TAF4B: variants seen among roughly 807,000 people sequenced by gnomAD.
The protein encoded by TAF4B is TATA-box binding protein associated factor 4b.
A neutral mutation model predicts 86.4 loss-of-function variants in TAF4B; 38 were observed. That is an observed-to-expected ratio of 0.44 (90% CI 0.34 to 0.58). TAF4B has a LOEUF of 0.58. TAF4B is among the 20% of genes least tolerant of loss of function. The pLI is 0.02. For missense variants in TAF4B, 988 were observed against 1,027.6 expected (o/e 0.96, Z 0.53); for synonymous variants, 388 against 391.2 (o/e 0.99, Z 0.10).
At chr18:26,264,721 T>C (rs1285245344) in intron 1 of TAF4B, among the ~76,000 whole-genome samples, 1 of 152,256 alleles carries the variant, frequency 6.6e-6, no homozygotes, top group African/African-American at 2.4e-5. Context: ...TTTATCTTTT[T>C]CGTATAGATA....
At chr18:26,274,419 G>A (rs1174214005) in intron 3 of TAF4B, among the ~76,000 whole-genome samples, 1 of 152,170 alleles carries the variant, frequency 6.6e-6, no homozygotes, top group East Asian at 1.9e-4. Context: ...GGATTAGCAA[G>A]ATTAAGTAAC....
chr18:26,248,042 AT>A lies in TAF4B; in HGVS notation c.344-17113del, dbSNP rs750349158. ...AGGTGTGCCTCACTATGCCCAGCTAATTTTTTTTTTTTTTTGGTACATTTGG... is the reference window on the plus strand; with the variant it reads ...AGGTGTGCCTCACTATGCCCAGCTAATTTTTTTTTTTTTTGGTACATTTGG... On this transcript the variant is annotated intron_variant, in intron 1 of 14. Coordinates refer to ENST00000269142, the MANE Select transcript of TAF4B (RefSeq NM_005640.3). 7.8e-3 allele frequency among the ~76,000 whole-genome samples: 654 copies of A among 83,548 alleles called. 2 individuals are homozygous for A. The highest frequency in any genetic ancestry group is 0.023 in the African/African-American group (488 of 21,094). The allele number at this position is 83,548 out of a possible 152,430, so 54.8% of individuals were successfully genotyped here.
chr18:26,333,244 A>G (rs1377016949), intron 12 of TAF4B, among the ~76,000 whole-genome samples: 2 of 151,196 alleles, frequency 1.3e-5, no homozygotes, highest in African/African-American at 4.9e-5. Flanking sequence ...TTTTGGAGAC[A>G]GGGTCTTGCT....
chr18:26,319,676 G>A (rs550111608), intron 10 of TAF4B, among the ~76,000 whole-genome samples: 4 of 151,848 alleles, frequency 2.6e-5, no homozygotes, highest in Admixed American at 2.6e-4. Context: ...TGCAATTTCC[G>A]CCTCCCAGGT....
chr18:26,343,069 G>A (rs2144710016), intron 13 of TAF4B, among the ~76,000 whole-genome samples: 1 of 152,296 alleles, frequency 6.6e-6, no homozygotes, highest in South Asian at 2.1e-4. Flanking sequence ...GACATTGAAA[G>A]GTAAATAGTA....
rs370184999 is a variant in TAF4B, at chr18:26,357,686, C to T, written c.2317-4C>T. On this transcript the variant is annotated splice_polypyrimidine_tract_variant and splice_region_variant and intron_variant, in intron 13 of 14. Coordinates refer to ENST00000269142, the MANE Select transcript of TAF4B (RefSeq NM_005640.3). ...CATTGATATTTTTTTCTTCCGTCTT[C>T]TAGTTACAGCAATTGGAACTTGCAC... 105 of 1,598,800 alleles carry T rather than the reference C, an allele frequency of 6.6e-5. No individual in the cohort carries two copies. The highest frequency in any genetic ancestry group is 7.9e-5 in the Non-Finnish European group (93 of 1,172,102).
intron 14 of TAF4B, among the ~76,000 whole-genome samples, chr18:26,364,102 A>G (rs1325026136): frequency 6.6e-6 from 1 of 152,176 alleles, no homozygotes; most frequent in African/African-American, 2.4e-5. Context: ...AATATGATCT[A>G]TTTGTATAAT....
At chr18:26,281,898 C>T (rs1403772020) in intron 5 of TAF4B, 73 bp from the exon 6 acceptor site, 2 of 1,161,724 alleles carry the variant, frequency 1.7e-6, no homozygotes, top group African/African-American at 3.1e-5. Context: ...TGTCTACAAT[C>T]ATGAATTATA....
At chr18:26,339,150 G>GA (rs201650015) in intron 13 of TAF4B, among the ~76,000 whole-genome samples, 1 of 152,060 alleles carries the variant, frequency 6.6e-6, no homozygotes, top group Non-Finnish European at 1.5e-5. Context: ...TCTGTTGCCT[G>GA]AAAAAACATT....
intron 10 of TAF4B, among the ~76,000 whole-genome samples, chr18:26,319,224 G>A (rs1302109151): frequency 6.8e-6 from 1 of 147,376 alleles, no homozygotes; most frequent in African/African-American, 2.5e-5. Flanking sequence ...AGGAGCGGTG[G>A]CTTACACCTG....
At chr18:26,346,853 A>G (rs1377353838) in intron 13 of TAF4B, among the ~76,000 whole-genome samples, 2 of 14,096 alleles carry the variant, frequency 1.4e-4, no homozygotes, top group African/African-American at 2.2e-4. Flanking sequence ...GTGTATATAT[A>G]TATATGTGTA....
At chr18:26,339,180 T>C (rs1315345202) in intron 13 of TAF4B, among the ~76,000 whole-genome samples, 1 of 152,226 alleles carries the variant, frequency 6.6e-6, no homozygotes. Context: ...CTCTCTCTTT[T>C]TCTCGCTATT....
chr18:26,347,811 A>G (rs1008046796), intron 13 of TAF4B, among the ~76,000 whole-genome samples: 1 of 152,254 alleles, frequency 6.6e-6, no homozygotes, highest in Non-Finnish European at 1.5e-5. Flanking sequence ...TCAAGACAAA[A>G]TGGTAAAGAA....
chr18:26,388,288 CAT>C (rs1978495721), intron 14 of TAF4B, among the ~76,000 whole-genome samples: 1 of 152,168 alleles, frequency 6.6e-6, no homozygotes, highest in Non-Finnish European at 1.5e-5. Context: ...TATTGGTAAA[CAT>C]ATTCAGAAAA....
chr18:26,367,424 G>A (rs536031052), intron 14 of TAF4B, among the ~76,000 whole-genome samples: 2 of 152,214 alleles, frequency 1.3e-5, no homozygotes, highest in Non-Finnish European at 2.9e-5. Context: ...AGAACCTGGA[G>A]CTCTGATGTC....
intron 1 of TAF4B, among the ~76,000 whole-genome samples, chr18:26,257,271 G>T (rs1352046852): frequency 1.3e-5 from 2 of 152,092 alleles, no homozygotes; most frequent in Non-Finnish European, 2.9e-5. Flanking sequence ...AGGTATATGT[G>T]CTTAAAATGT....
In TAF4B at chr18:26,362,400, G is replaced by C. The variant is rs530131351; in HGVS notation, c.2421+4606G>C. On this transcript the variant is annotated intron_variant, in intron 14 of 14. Coordinates refer to ENST00000269142, the MANE Select transcript of TAF4B (RefSeq NM_005640.3). ...TTATCAGTAGCATTAATGGCCCATA[G>C]TGAATTTGCAATGTTAATCATTAAT... 4.6e-5 allele frequency among the ~76,000 whole-genome samples: 7 copies of C among 152,238 alleles called. No individual in the cohort carries two copies. The East Asian group carries it at 1.3e-3, about 29-fold the overall frequency.
rs140542489 is a variant in TAF4B, at chr18:26,275,179, A to G, written c.882+126A>G. ...ATTTATTTAATTTATGTTTTGAGACAGAGTCTCGCTCTGTTGCCCAAGCTG... is the reference window on the plus strand; with the variant it reads ...ATTTATTTAATTTATGTTTTGAGACGGAGTCTCGCTCTGTTGCCCAAGCTG... On this transcript the variant is annotated intron_variant, in intron 5 of 14. Coordinates refer to ENST00000269142, the MANE Select transcript of TAF4B (RefSeq NM_005640.3). 3.5e-4 allele frequency: 390 copies of G among 1,108,886 alleles called. No individual in the cohort carries two copies. In the Middle Eastern group the frequency reaches 6.3e-3, roughly 18 times the overall value. 68.7% of individuals were successfully genotyped at this position (1,108,886 alleles called of 1,614,324 possible).
intron 14 of TAF4B, among the ~76,000 whole-genome samples, chr18:26,378,145 G>C (rs541468343): frequency 6.6e-6 from 1 of 152,262 alleles, no homozygotes; most frequent in South Asian, 2.1e-4. Context: ...GAAGGGTGGG[G>C]TGGGTTGTGT....
Sources: allele counts gnomAD v4.1 joint callset (sites outside exome capture counted in the v4.1 genomes callset), GRCh38; gene constraint gnomAD v4.1.1; transcripts MANE v1.5; gene names NCBI Gene and HGNC (gene_info 2026-07-23, HGNC 2026-07-21).